WDR13: variants seen among roughly 807,000 people sequenced by gnomAD.
The protein encoded by WDR13 is WD repeat domain 13.
A neutral mutation model predicts 28.6 loss-of-function variants in WDR13; 1 was observed. That is an observed-to-expected ratio of 0.03 (90% CI 0.01 to 0.17). The LOEUF (loss-of-function observed/expected upper bound fraction) is 0.17, where lower values mean the gene tolerates loss of function less well. WDR13 is among the 10% of genes least tolerant of loss of function. The pLI, the probability that WDR13 is intolerant of heterozygous loss-of-function variation, is 1.00. For missense variants in WDR13, 264 were observed against 469.3 expected, an observed-to-expected ratio of 0.56 and a Z score of 4.04; for synonymous variants, 201 against 185.9, an observed-to-expected ratio of 1.08 and a Z score of -0.66.
In WDR13 at chrX:48,598,744, T is replaced by C. The variant is rs139007352; in HGVS notation, c.69T>C (p.Phe23=). Residue 23 remains phenylalanine, a synonymous_variant, in exon 3 of 10, where the codon TTT becomes TTC. Transcript: ENST00000376729. ...ACAACGCGTACCGCACACCAACGTT[T>C]CCACAGTTTCGGACGCAGTATATCC... ...ARYNAYRTPT[F]PQFRTQYIRR... The C allele has an allele frequency of 8.4e-7, 1 of 1,186,914 alleles. No individual in the cohort carries two copies. The highest frequency in any genetic ancestry group is 1.8e-5 in the African/African-American group (1 of 55,441).
At position 48,605,140 on chromosome X, in the gene WDR13, G is replaced by C; in HGVS notation, c.*108G>C. 3.0e-6 allele frequency: 3 copies of C among 1,013,540 alleles called. No homozygotes were observed. The highest frequency in any genetic ancestry group is 4.0e-6 in the Non-Finnish European group (3 of 757,469). The allele number at this position is 1,013,540 out of a possible 1,213,427, so 83.5% of individuals were successfully genotyped here. A position where few individuals can be genotyped will look rare whatever the true frequency, so the allele number is the denominator to read the frequency against. ...CTGAGGGCCGGCTCCCAGCTCTGCC[G>C]GGGACGGACAGGGCAGAGGGCAGCG... On this transcript the variant is annotated 3_prime_UTR_variant, in exon 10 of 10. Transcript: ENST00000376729.
At chrX:48,598,114 G>A (rs1556993214) in intron 2 of WDR13, 77 bp downstream of exon 2, 1 of 1,154,860 alleles carries the variant, frequency 8.7e-7, no homozygotes, top group African/African-American at 1.8e-5. Flanking sequence ...GAGGCTGGGC[G>A]GAGAACTTGC....
intron 4 of WDR13, 29 bp downstream of exon 4, chrX:48,599,491 G>T (rs1252519969): frequency 8.3e-7 from 1 of 1,203,470 alleles, no homozygotes; most frequent in African/African-American, 1.7e-5. Flanking sequence ...CAAGGCGGGG[G>T]GCGGGTTGCG....
Position 48,600,459 on chromosome X carries a change from G to A in WDR13, c.664G>A (p.Asp222Asn). ...VLRGHTRGVS[D>N]FAWSLSNDIL... Reference sequence around the variant, plus strand: ...ACGGGGCCACACCCGTGGTGTCTCCGACTTCGCCTGGTCCCTCTCCAATGA... The same window carrying A: ...ACGGGGCCACACCCGTGGTGTCTCCAACTTCGCCTGGTCCCTCTCCAATGA... Residue 222 changes from aspartate to asparagine, a missense_variant, in exon 6 of 10, where the codon GAC becomes AAC. Asp to Asn is a conservative substitution (Grantham distance 23, BLOSUM62 1). Coordinates refer to ENST00000376729, the MANE Select transcript of WDR13 (RefSeq NM_001347217.2). The A allele has an allele frequency of 8.2e-7, 1 of 1,212,331 alleles. No homozygotes were observed. The highest frequency in any genetic ancestry group is 1.1e-6 in the Non-Finnish European group (1 of 895,683).
chrX:48,607,318 C>G lies in WDR13; in HGVS notation c.*2286C>G, dbSNP rs183555165. The G allele has an allele frequency of 1.0e-5, 1 of 95,369 alleles. No individual in the cohort carries two copies. Among genetic ancestry groups the G allele is most frequent in the East Asian group, 3.3e-4 (1 of 3,058 alleles). 7.9% of individuals were successfully genotyped at this position (95,369 alleles called of 1,213,427 possible). On this transcript the variant is annotated 3_prime_UTR_variant, in exon 10 of 10. Coordinates refer to ENST00000376729, the MANE Select transcript of WDR13 (RefSeq NM_001347217.2). ...CGAAATGTTGCTGACCAAGGAAGCTCAATTAGAGACTCAGCACCCAGAGGT... is the reference window on the plus strand; with the variant it reads ...CGAAATGTTGCTGACCAAGGAAGCTGAATTAGAGACTCAGCACCCAGAGGT...
intron 2 of WDR13, chrX:48,598,261 A>G: frequency 1.8e-6 from 2 of 1,081,461 alleles, no homozygotes; most frequent in Non-Finnish European, 2.4e-6. Flanking sequence ...GGCATGCGCA[A>G]AGCGGCTACC....
In WDR13 at chrX:48,607,384, G is replaced by GGGT. The variant is rs1556996223; in HGVS notation, c.*2354_*2355insTGG. 2.8e-5 allele frequency: 2 copies of GGGT among 70,209 alleles called. No individual in the cohort carries two copies. The highest frequency in any genetic ancestry group is 4.8e-5 in the African/African-American group (1 of 20,808). 5.8% of individuals were successfully genotyped at this position (70,209 alleles called of 1,213,427 possible). A position where few individuals can be genotyped will look rare whatever the true frequency, so the allele number is the denominator to read the frequency against. Reference sequence around the variant, plus strand: ...TGTTGTTTTGGTTTTTTTTTGGCGGGGGGGGGGGGGTCTTGCTCTGACGCC... The same window carrying GGGT: ...TGTTGTTTTGGTTTTTTTTTGGCGGGGGTGGGGGGGGGGTCTTGCTCTGACGCC... On this transcript the variant is annotated 3_prime_UTR_variant, in exon 10 of 10. Transcript: ENST00000376729.
In WDR13 at chrX:48,608,517, G is replaced by A. The variant is rs2062234976; in HGVS notation, c.*3485G>A. 1 of 112,497 alleles carries A rather than the reference G, an allele frequency of 8.9e-6. No homozygotes were observed. The highest frequency in any genetic ancestry group is 1.9e-5 in the Non-Finnish European group (1 of 53,272). 9.3% of individuals were successfully genotyped at this position (112,497 alleles called of 1,213,427 possible). On this transcript the variant is annotated 3_prime_UTR_variant, in exon 10 of 10. Transcript: ENST00000376729. ...CCAACCTTGAAGCAGGCCTTTCCAA[G>A]GATCGCAGTTGAGGCCTGCTCTGTT... is the stretch of plus-strand genomic sequence containing the variant.
intron 6 of WDR13, among the ~76,000 whole-genome samples, chrX:48,601,358 G>T (rs893399788): frequency 8.9e-6 from 1 of 112,306 alleles, no homozygotes; most frequent in Non-Finnish European, 1.9e-5. Context: ...GGTGTGGCCC[G>T]GGGTGTAGTG....
intron 1 of WDR13, 152 bp downstream of exon 1, chrX:48,597,766 T>A (rs1556993057): frequency 6.9e-6 from 3 of 435,574 alleles, no homozygotes; most frequent in African/African-American, 5.2e-5. Flanking sequence ...CTGTTCTGAA[T>A]CGCTGTGTGT....
In WDR13 at chrX:48,600,634, T is replaced by C. The variant is rs1556994180; in HGVS notation, c.831+8T>C. 3 of 1,204,112 alleles carry C rather than the reference T, an allele frequency of 2.5e-6. No homozygotes were observed. In the South Asian group the frequency reaches 5.4e-5, roughly 22 times the overall value. On this transcript the variant is annotated splice_region_variant and intron_variant, in intron 6 of 9. Coordinates refer to ENST00000376729, the MANE Select transcript of WDR13 (RefSeq NM_001347217.2). ...AACAACAACCTCACTGTGGTCAGGCTCCAGGACACCCACTCACCAAGGGCT... is the reference window on the plus strand; with the variant it reads ...AACAACAACCTCACTGTGGTCAGGCCCCAGGACACCCACTCACCAAGGGCT...
rs782042323 is a variant in WDR13 at position 48,599,734 on chromosome X, C to T, written c.523+17C>T. The T allele has an allele frequency of 9.1e-6, 11 of 1,208,323 alleles. No individual in the cohort carries two copies. The highest frequency in any genetic ancestry group is 3.5e-5 in the African/African-American group (2 of 57,562). ...ATGAGGCAGGTGAGCCAGTGGGTAG[C>T]GGGTTCCATCACCAAGCGTTTGCCC... On this transcript the variant is annotated intron_variant, in intron 5 of 9. Coordinates refer to ENST00000376729, the MANE Select transcript of WDR13 (RefSeq NM_001347217.2).
Position 48,604,032 on chromosome X carries a change from G to A in WDR13, c.1155-240G>A, listed in dbSNP as rs782087884. 6.3e-5 allele frequency among the ~76,000 whole-genome samples: 7 copies of A among 110,873 alleles called. No individual in the cohort carries two copies. In the East Asian group the frequency reaches 1.7e-3, roughly 27 times the overall value. On this transcript the variant is annotated intron_variant, in intron 8 of 9. Transcript: ENST00000376729. ...TGCCTATAGGTAGTCCCGGCTACTCGGGAGACTGAGGCGGGAGGATCACTT... is the reference window on the plus strand; with the variant it reads ...TGCCTATAGGTAGTCCCGGCTACTCAGGAGACTGAGGCGGGAGGATCACTT...
In WDR13 at chrX:48,605,046, CT is replaced by C. The variant is rs1556995698; in HGVS notation, c.*15del. On this transcript the variant is annotated 3_prime_UTR_variant, in exon 10 of 10. Coordinates refer to ENST00000376729, the MANE Select transcript of WDR13 (RefSeq NM_001347217.2). ...GAGCAGAAGTAGGGTCCTGTCGGCC[CT>C]GCTGCTGTCCTCCATCCCACCCCTC... 8.4e-7 allele frequency: 1 copy of C among 1,193,321 alleles called. No individual in the cohort carries two copies. The highest frequency in any genetic ancestry group is 2.3e-4 in the Middle Eastern group (1 of 4,289).
Position 48,599,341 on chromosome X carries a change from C to G in WDR13, c.283-12C>G. ...TGCAAGATGCACCCACCCTGACCCTCTCCATTTGCAGGACTTTGAGGATGA... is the reference window on the plus strand; with the variant it reads ...TGCAAGATGCACCCACCCTGACCCTGTCCATTTGCAGGACTTTGAGGATGA... On this transcript the variant is annotated splice_polypyrimidine_tract_variant and intron_variant, in intron 3 of 9. Transcript: ENST00000376729. The G allele has an allele frequency of 8.5e-7, 1 of 1,171,386 alleles. No homozygotes were observed. Among genetic ancestry groups the G allele is most frequent in the Admixed American group, 2.6e-5 (1 of 38,975 alleles).
Position 48,604,430 on chromosome X carries a change from G to A in WDR13, c.1273+40G>A, listed in dbSNP as rs184019774. On this transcript the variant is annotated intron_variant, in intron 9 of 9. Transcript: ENST00000376729. ...GACAGGGGATCTGGGTGGCTGGGGA[G>A]GGGCAGGAACCAGGGCTGGTGCCAA... is the stretch of plus-strand genomic sequence containing the variant. The A allele has an allele frequency of 4.1e-4, 474 of 1,151,191 alleles. 2 individuals are homozygous for A. In the African/African-American group the frequency reaches 7.5e-3, roughly 18 times the overall value. 94.9% of individuals were successfully genotyped at this position (1,151,191 alleles called of 1,213,427 possible). A position where few individuals can be genotyped will look rare whatever the true frequency, so the allele number is the denominator to read the frequency against.
At chrX:48,604,227 G>T (rs1294685677) in intron 8 of WDR13, 45 bp from the exon 9 acceptor site, 10 of 1,151,510 alleles carry the variant, frequency 8.7e-6, no homozygotes, top group Non-Finnish European at 1.2e-5. Context: ...TTGTCTCCCT[G>T]CTAGGGCTGG....
chrX:48,602,003 CCAGCCCTCCCAGGGCA>C (rs782213598), intron 7 of WDR13, 39 bp downstream of exon 7: 19 of 1,193,611 alleles, frequency 1.6e-5, no homozygotes. Flanking sequence ...TGCTCGCCCT[CCAGCCCTCCCAGGGCA>C]CAGCCCTCAC....
chrX:48,607,389 G>GC lies in WDR13; in HGVS notation c.*2357_*2358insC, dbSNP rs2062227446. ...TTTTGGTTTTTTTTTGGCGGGGGGGGGGGGGTCTTGCTCTGACGCCCAGGC... is the reference window on the plus strand; with the variant it reads ...TTTTGGTTTTTTTTTGGCGGGGGGGGCGGGGGTCTTGCTCTGACGCCCAGGC... On this transcript the variant is annotated 3_prime_UTR_variant, in exon 10 of 10. Coordinates refer to ENST00000376729, the MANE Select transcript of WDR13 (RefSeq NM_001347217.2). 1.0e-4 allele frequency: 7 copies of GC among 67,814 alleles called. 2 individuals carry two copies. The South Asian group carries it at 6.6e-3, about 64-fold the overall frequency. The allele number at this position is 67,814 out of a possible 1,213,427, so 5.6% of individuals were successfully genotyped here. A position where few individuals can be genotyped will look rare whatever the true frequency, so the allele number is the denominator to read the frequency against.
Sources: allele counts gnomAD v4.1 joint callset (sites outside exome capture counted in the v4.1 genomes callset), GRCh38; gene constraint gnomAD v4.1.1; transcripts MANE v1.5; gene names NCBI Gene and HGNC (gene_info 2026-07-23, HGNC 2026-07-21).